The following SRGAP3 variants were observed in gnomAD, a reference collection of about 807,000 sequenced individuals.
SRGAP3 encodes SLIT-ROBO Rho GTPase-activating protein 3.
A neutral mutation model predicts 121.1 loss-of-function variants in SRGAP3; 39 were observed. The observed-to-expected ratio is 0.32, with a 90% CI of 0.25 to 0.42. The LOEUF is 0.42. SRGAP3 is among the 10% of genes least tolerant of loss of function. The pLI is 1.00. For synonymous variants in SRGAP3, 601 were observed against 570.0 expected (o/e 1.05, Z -0.77); for missense variants, 1,213 against 1,470.6 (o/e 0.82, Z 2.86).
chr3:9,234,048 C>T (rs996700218), intron 1 of SRGAP3, among the ~76,000 whole-genome samples: 1 of 152,128 alleles, frequency 6.6e-6, no homozygotes, highest in African/African-American at 2.4e-5. Flanking sequence ...GTACGAGATC[C>T]AGCAAGACAG....
chr3:9,227,300 G>A (rs1170783315), intron 1 of SRGAP3, among the ~76,000 whole-genome samples: 2 of 152,234 alleles, frequency 1.3e-5, no homozygotes, highest in Non-Finnish European at 2.9e-5. Flanking sequence ...TTGCCTGCAA[G>A]CCATCCGTTC....
At chr3:9,016,465 C>G (rs1274870967) in intron 14 of SRGAP3, among the ~76,000 whole-genome samples, 1 of 152,200 alleles carries the variant, frequency 6.6e-6, no homozygotes, top group Admixed American at 6.5e-5. Context: ...GGCAAGAACA[C>G]TACATGGGTG....
At chr3:9,166,484 G>C (rs776594910) in intron 1 of SRGAP3, among the ~76,000 whole-genome samples, 5 of 152,152 alleles carry the variant, frequency 3.3e-5, no homozygotes, top group Non-Finnish European at 7.4e-5. Context: ...ATGTGACTAA[G>C]AGTTTTCCAG....
intron 2 of SRGAP3, among the ~76,000 whole-genome samples, chr3:9,117,624 C>G (rs1948851023): frequency 6.6e-6 from 1 of 152,174 alleles, no homozygotes; most frequent in South Asian, 2.1e-4. Context: ...CTGCATGGAG[C>G]ATTTTCATCA....
chr3:9,124,664 C>T lies in SRGAP3; in HGVS notation c.260+61G>A, dbSNP rs73811431. On this transcript the variant is annotated intron_variant, in intron 2 of 21. Transcript: ENST00000383836. ...GCTGGCCTCCTTTCTGCTTTGCCAC[C>T]AACTGTCCGCCCACCCCAGTGCTGC... The T allele has an allele frequency of 5.4e-4, 867 of 1,607,436 alleles. 6 individuals carry two copies. In the African/African-American group the frequency reaches 0.01, roughly 19 times the overall value.
At chr3:9,108,188 G>C (rs1948484315) in intron 2 of SRGAP3, among the ~76,000 whole-genome samples, 3 of 152,138 alleles carry the variant, frequency 2.0e-5, no homozygotes, top group Admixed American at 2.0e-4. Flanking sequence ...CTGTACACTA[G>C]AATCAACTGG....
intron 1 of SRGAP3, among the ~76,000 whole-genome samples, chr3:9,354,492 A>G (rs1315683103): frequency 2.6e-5 from 4 of 152,214 alleles, no homozygotes; most frequent in Middle Eastern, 6.8e-3. Flanking sequence ...ATCCTGGCTA[A>G]CACGGTGAAA....
intron 1 of SRGAP3, among the ~76,000 whole-genome samples, chr3:9,347,554 C>T (rs1466566178): frequency 6.6e-6 from 1 of 152,096 alleles, no homozygotes; most frequent in African/African-American, 2.4e-5. Flanking sequence ...TGTGCTCGGC[C>T]CAAGCTACTC....
At chr3:9,172,234 C>G (rs925741489) in intron 1 of SRGAP3, among the ~76,000 whole-genome samples, 1 of 151,842 alleles carries the variant, frequency 6.6e-6, no homozygotes, top group Non-Finnish European at 1.5e-5. Flanking sequence ...ACTGGGACTA[C>G]AGGCACATGC....
At chr3:9,117,158 A>G (rs1948834897) in intron 2 of SRGAP3, among the ~76,000 whole-genome samples, 1 of 152,218 alleles carries the variant, frequency 6.6e-6, no homozygotes, top group South Asian at 2.1e-4. Flanking sequence ...CACAAGCCCT[A>G]CTGGAGGGCT....
At chr3:9,292,548 GT>G (rs1309198856) in intron 3 of SRGAP3, 1 of 152,052 alleles carries the variant, frequency 6.6e-6, no homozygotes, top group Non-Finnish European at 1.5e-5. Flanking sequence ...GCTTTGAAAT[GT>G]TTTTTGTCTA....
intron 2 of SRGAP3, among the ~76,000 whole-genome samples, chr3:9,124,162 G>A (rs189438864): frequency 4.6e-5 from 7 of 152,290 alleles, no homozygotes; most frequent in Admixed American, 2.6e-4. Flanking sequence ...TGGGATATGA[G>A]AAATCAGGAC....
intron 1 of SRGAP3, among the ~76,000 whole-genome samples, chr3:9,183,587 G>A (rs1260860567): frequency 1.3e-5 from 2 of 151,966 alleles, no homozygotes; most frequent in Non-Finnish European, 2.9e-5. Context: ...TGGGGCAGAT[G>A]GCAAAGGCTT....
rs749537418 is a variant in SRGAP3 at position 9,104,670 on chromosome 3, A to C, written c.423+10T>G. ...AGACCTGGGACACGTAGAGCAGCCC[A>C]CTTGCCTACCTTTTTGAAGAGTCTG... On this transcript the variant is annotated intron_variant, in intron 3 of 21. Coordinates refer to ENST00000383836, the MANE Select transcript of SRGAP3 (RefSeq NM_014850.4). 34 of 1,613,962 alleles carry C rather than the reference A, an allele frequency of 2.1e-5. 1 individual carries two copies. In the South Asian group the frequency reaches 3.7e-4, roughly 18 times the overall value.
Position 8,982,532 on chromosome 3 carries a change from C to T in SRGAP3, c.*2987G>A, listed in dbSNP as rs1941470964. On this transcript the variant is annotated 3_prime_UTR_variant, in exon 22 of 22. Coordinates refer to ENST00000383836, the MANE Select transcript of SRGAP3 (RefSeq NM_014850.4). ...TTAATTGTAGCCTTTTTAAAAATTA[C>T]AATTTCACATTTTAACAGTTACTTT... 4.5e-6 allele frequency: 1 copy of T among 222,504 alleles called. No individual in the cohort carries two copies. Among genetic ancestry groups the T allele is most frequent in the Admixed American group, 5.7e-5 (1 of 17,400 alleles). 13.8% of individuals were successfully genotyped at this position (222,504 alleles called of 1,614,324 possible).
At chr3:9,136,226 G>C (rs1038522494) in intron 1 of SRGAP3, among the ~76,000 whole-genome samples, 1 of 152,150 alleles carries the variant, frequency 6.6e-6, no homozygotes, top group African/African-American at 2.4e-5. Flanking sequence ...GCCCGGACAC[G>C]GGCTCCCCAT....
At chr3:9,288,380 G>T (rs1574974464) in intron 3 of SRGAP3, among the ~76,000 whole-genome samples, 1 of 151,554 alleles carries the variant, frequency 6.6e-6, no homozygotes, top group East Asian at 1.9e-4. Context: ...CGGATGATCT[G>T]CCCACCTCAG....
chr3:9,005,101 A>G (rs57984578), intron 18 of SRGAP3, among the ~76,000 whole-genome samples: 32,613 of 152,206 alleles, frequency 0.21, 3,649 homozygotes, highest in Non-Finnish European at 0.25. Context: ...TAATAAAAAC[A>G]CAAATAACCA....
At chr3:9,095,473 GC>G (rs1560135152) in intron 3 of SRGAP3, among the ~76,000 whole-genome samples, 1 of 151,914 alleles carries the variant, frequency 6.6e-6, no homozygotes, top group East Asian at 1.9e-4. Context: ...TAAGGTAAAG[GC>G]CTTATATTTT....
Sources: gnomAD v4.1 joint callset for allele counts (sites outside exome capture counted in the v4.1 genomes callset) on GRCh38, gnomAD v4.1.1 for gene constraint, MANE v1.5 for transcripts, NCBI Gene and HGNC (gene_info 2026-07-23, HGNC 2026-07-21) for gene names.